VDAC2: variants seen among roughly 807,000 people sequenced by gnomAD.
The protein encoded by VDAC2 is voltage dependent anion channel 2, also known as non-selective voltage-gated ion channel VDAC2.
A neutral mutation model predicts 36.6 loss-of-function variants in VDAC2; 6 were observed. The observed-to-expected ratio is 0.16, with a 90% CI of 0.09 to 0.32. The LOEUF (loss-of-function observed/expected upper bound fraction) is 0.32, where lower values mean the gene tolerates loss of function less well. Ranked by LOEUF, VDAC2 falls within the 10% of genes least tolerant of loss-of-function variation. The probability of loss-of-function intolerance (pLI) is 1.00; values close to 1 mark genes in which losing one functional copy is unlikely to be tolerated. For synonymous variants in VDAC2, 109 were observed against 123.8 expected, an observed-to-expected ratio of 0.88 and a Z score of 0.79; for missense variants, 247 against 346.0, an observed-to-expected ratio of 0.71 and a Z score of 2.27.
At chr10:75,214,212 C>T (rs749907891) in intron 4 of VDAC2, 142 bp downstream of exon 4, 14 of 831,360 alleles carry the variant, frequency 1.7e-5, no homozygotes, top group Non-Finnish European at 2.1e-5. Flanking sequence ...TGCGTGTAAC[C>T]TGATTTATTT....
At chr10:75,229,007 A>G (rs1388339596) in intron 8 of VDAC2, among the ~76,000 whole-genome samples, 1 of 152,202 alleles carries the variant, frequency 6.6e-6, no homozygotes, top group Admixed American at 6.5e-5. Context: ...AGGGGCCTGG[A>G]TTGGTACATG....
chr10:75,219,268 A>T (rs1841720137), intron 5 of VDAC2, 36 bp from the exon 6 acceptor site: 1 of 1,562,708 alleles, frequency 6.4e-7, no homozygotes, highest in African/African-American at 1.4e-5. Flanking sequence ...TTTGTATTTC[A>T]AAAAAAGAAA....
chr10:75,227,704 A>G (rs1391933175), intron 8 of VDAC2, among the ~76,000 whole-genome samples: 1 of 142,968 alleles, frequency 7.0e-6, no homozygotes, highest in East Asian at 2.1e-4. Context: ...CTCCTGCCTT[A>G]GCACCCCGAG....
chr10:75,214,049 A>G lies in VDAC2; in HGVS notation c.129A>G (p.Lys43=). 1 of 1,613,428 alleles carries G rather than the reference A, an allele frequency of 6.2e-7. No individual in the cohort carries two copies. The highest frequency in any genetic ancestry group is 8.5e-7 in the Non-Finnish European group (1 of 1,179,582). ...FGFGLVKLDV[K]TKSCSGVEFS... is the part of the protein sequence containing the mutation. ...TTGGGTTGGTGAAACTGGATGTGAA[A>G]ACAAAGTCTTGCAGTGGCGTGGTGA... The change falls in exon 4 of 10, where the codon AAA becomes AAG. Residue 43 remains lysine (K), a synonymous_variant. Transcript: ENST00000332211.
At chr10:75,223,719 AGCTTC>A (rs1841883127) in intron 8 of VDAC2, among the ~76,000 whole-genome samples, 1 of 152,184 alleles carries the variant, frequency 6.6e-6, no homozygotes, top group Non-Finnish European at 1.5e-5. Context: ...ACCTTTAGGT[AGCTTC>A]GGGCTGGAGG....
chr10:75,213,838 C>A (rs536474575), intron 3 of VDAC2, among the ~76,000 whole-genome samples, 183 bp from the exon 4 acceptor site: 4 of 152,124 alleles, frequency 2.6e-5, no homozygotes, highest in Non-Finnish European at 5.9e-5. Flanking sequence ...TAATTCTGCC[C>A]TTTATAAGCC....
chr10:75,223,120 A>G (rs1251655089), intron 8 of VDAC2, among the ~76,000 whole-genome samples: 2 of 151,606 alleles, frequency 1.3e-5, no homozygotes, highest in Non-Finnish European at 2.9e-5. Flanking sequence ...AGCTGAGATT[A>G]CAGGTGCCCG....
intron 7 of VDAC2, among the ~76,000 whole-genome samples, chr10:75,221,222 T>A (rs909213636): frequency 6.6e-6 from 1 of 152,252 alleles, no homozygotes; most frequent in Non-Finnish European, 1.5e-5. Flanking sequence ...CAAGAGGCAT[T>A]ATATATTGGC....
chr10:75,220,567 T>C (rs576422634), intron 6 of VDAC2, among the ~76,000 whole-genome samples, 176 bp from the exon 7 acceptor site: 79 of 152,392 alleles, frequency 5.2e-4, no homozygotes, highest in Middle Eastern at 3.4e-3. Context: ...GGCTGTCCAG[T>C]TGCTTCATGT....
intron 3 of VDAC2, among the ~76,000 whole-genome samples, chr10:75,212,612 G>C (rs1019637575): frequency 3.3e-5 from 5 of 152,076 alleles, no homozygotes; most frequent in Non-Finnish European, 7.3e-5. Context: ...TAGAGGTGGG[G>C]TCTCACTGTG....
chr10:75,215,879 G>A (rs973295984), intron 4 of VDAC2, among the ~76,000 whole-genome samples: 3 of 151,882 alleles, frequency 2.0e-5, no homozygotes, highest in African/African-American at 7.3e-5. Context: ...TTGCCACCAT[G>A]CCCCGCTAAT....
intron 8 of VDAC2, among the ~76,000 whole-genome samples, chr10:75,225,215 C>G (rs914875912): frequency 2.0e-5 from 3 of 152,064 alleles, no homozygotes; most frequent in Non-Finnish European, 4.4e-5. Flanking sequence ...GCACAAGGTA[C>G]AAATAACAGT....
chr10:75,212,847 G>A (rs965092049), intron 3 of VDAC2, among the ~76,000 whole-genome samples: 2 of 152,194 alleles, frequency 1.3e-5, no homozygotes, highest in African/African-American at 4.8e-5. Flanking sequence ...AACGGCTCGT[G>A]CTTTAATTTT....
chr10:75,211,247 C>G (rs996930747), intron 2 of VDAC2, 58 bp downstream of exon 2: 6 of 1,593,096 alleles, frequency 3.8e-6, no homozygotes, highest in Non-Finnish European at 5.1e-6. Context: ...GCCTGTCGAC[C>G]AGAAACCCAG....
chr10:75,211,112 G>A, intron 1 of VDAC2, 22 bp from the exon 2 acceptor site: 2 of 1,596,018 alleles, frequency 1.3e-6, no homozygotes, highest in East Asian at 4.6e-5. Context: ...CCAGCTTACC[G>A]CACTTCTTGT....
chr10:75,214,184 A>C lies in VDAC2; in HGVS notation c.150+114A>C, dbSNP rs1409649292. The C allele has an allele frequency of 2.8e-5, 32 of 1,132,272 alleles. No individual in the cohort carries two copies. The East Asian group carries it at 8.1e-4, about 29-fold the overall frequency. The allele number at this position is 1,132,272 out of a possible 1,614,324, so 70.1% of individuals were successfully genotyped here. On this transcript the variant is annotated intron_variant, in intron 4 of 9. Transcript: ENST00000332211. ...TGTCTTAAAGAAGAGGCAGAAGTTA[A>C]CTTTGTTTTAAGAGATTTGCGTGTA...
chr10:75,212,733 G>T (rs1052900309), intron 3 of VDAC2, among the ~76,000 whole-genome samples: 2 of 152,136 alleles, frequency 1.3e-5, no homozygotes, highest in East Asian at 1.9e-4. Flanking sequence ...AAGATACTTA[G>T]ATTAAACTTA....
chr10:75,223,798 G>T (rs1841885858), intron 8 of VDAC2, among the ~76,000 whole-genome samples: 1 of 152,118 alleles, frequency 6.6e-6, no homozygotes, highest in African/African-American at 2.4e-5. Flanking sequence ...AGGTTTAATT[G>T]TTCACCAATG....
Position 75,229,627 on chromosome 10 carries a change from T to G in VDAC2, c.736-17T>G. 1.3e-6 allele frequency: 2 copies of G among 1,592,714 alleles called. No individual in the cohort carries two copies. Among genetic ancestry groups the G allele is most frequent in the Non-Finnish European group, 1.7e-6 (2 of 1,170,738 alleles). On this transcript the variant is annotated splice_polypyrimidine_tract_variant and intron_variant, in intron 8 of 9. Coordinates refer to ENST00000332211, the MANE Select transcript of VDAC2 (RefSeq NM_001391963.1). ...TTGAAATATTTTTCTTACAGTTGTTTTTGTATTTTATTTTAGGCAAAAGTC... is the reference window on the plus strand; with the variant it reads ...TTGAAATATTTTTCTTACAGTTGTTGTTGTATTTTATTTTAGGCAAAAGTC...
Sources: allele counts gnomAD v4.1 joint callset (sites outside exome capture counted in the v4.1 genomes callset), GRCh38; gene constraint gnomAD v4.1.1; transcripts MANE v1.5; gene names NCBI Gene and HGNC (gene_info 2026-07-23, HGNC 2026-07-21).